The following KIRREL1 variants were observed in gnomAD, a reference collection of about 807,000 sequenced individuals.
The protein encoded by KIRREL1 is kin of IRRE-like protein 1.
Under a neutral mutation model 83.3 loss-of-function variants are expected in KIRREL1, and 25 were observed. The ratio of observed to expected loss-of-function variants is 0.30; its 90% CI spans 0.22 to 0.42. The LOEUF (loss-of-function observed/expected upper bound fraction) is 0.42. KIRREL1 is among the 10% of genes least tolerant of loss of function. The pLI, the probability that KIRREL1 is intolerant of heterozygous loss-of-function variation, is 1.00. For synonymous variants in KIRREL1, 388 were observed against 410.4 expected (o/e 0.95, Z 0.66); for missense variants, 812 against 1,032.3 (o/e 0.79, Z 2.92).
chr1:158,020,404 T>TG (rs1659971874), intron 1 of KIRREL1, among the ~76,000 whole-genome samples: 1 of 152,110 alleles, frequency 6.6e-6, no homozygotes, highest in Non-Finnish European at 1.5e-5. Flanking sequence ...CTATTATTTT[T>TG]GGGGGGCTTC....
intron 1 of KIRREL1, among the ~76,000 whole-genome samples, chr1:158,002,885 G>A (rs564120374): frequency 7.9e-5 from 12 of 152,002 alleles, no homozygotes; most frequent in Non-Finnish European, 1.3e-4. Flanking sequence ...CGAGGAATCC[G>A]AAGGAGTGAA....
chr1:158,093,886 C>G, intron 13 of KIRREL1, 124 bp downstream of exon 13: 1 of 1,010,576 alleles, frequency 9.9e-7, no homozygotes. Context: ...GGTCCTGCCA[C>G]ACACACTCTC....
Position 158,088,351 on chromosome 1 carries a change from C to T in KIRREL1, c.941C>T (p.Pro314Leu). 1.2e-6 allele frequency: 2 copies of T among 1,613,784 alleles called. No homozygotes were observed. Among genetic ancestry groups the T allele is most frequent in the Non-Finnish European group, 1.7e-6 (2 of 1,179,886 alleles). ...VHFAPRIVVD[P>L]KPTTTDIGSD... ...GTTGCTCCCCGGATTGTAGTTGACC[C>T]CAAACCCACAACCACAGACATTGGC... Residue 314 changes from proline to leucine, a missense_variant, in exon 8 of 15, where the codon CCC becomes CTC. Coordinates refer to ENST00000359209, the MANE Select transcript of KIRREL1 (RefSeq NM_018240.7).
At chr1:157,999,324 C>T (rs1659292283) in intron 1 of KIRREL1, among the ~76,000 whole-genome samples, 2 of 152,178 alleles carry the variant, frequency 1.3e-5, no homozygotes, top group Non-Finnish European at 2.9e-5. Flanking sequence ...TCCTTTTCCT[C>T]CCACGTTTAG....
intron 11 of KIRREL1, among the ~76,000 whole-genome samples, chr1:158,092,691 G>T (rs1662239708): frequency 6.6e-6 from 1 of 152,130 alleles, no homozygotes; most frequent in Non-Finnish European, 1.5e-5. Flanking sequence ...GGGGTTGGGG[G>T]TGGGGAAGAA....
At chr1:158,045,839 G>C (rs1358859003) in intron 1 of KIRREL1, among the ~76,000 whole-genome samples, 1 of 152,144 alleles carries the variant, frequency 6.6e-6, no homozygotes, top group East Asian at 1.9e-4. Flanking sequence ...CACCTCATTA[G>C]CATAAACCCC....
intron 1 of KIRREL1, among the ~76,000 whole-genome samples, chr1:158,071,694 A>G (rs563307483): frequency 6.6e-6 from 1 of 151,838 alleles, no homozygotes; most frequent in African/African-American, 2.4e-5. Flanking sequence ...TCTGTTTGGC[A>G]CTGGTTTTAT....
At chr1:158,052,816 C>T (rs1023376284) in intron 1 of KIRREL1, among the ~76,000 whole-genome samples, 31 of 151,984 alleles carry the variant, frequency 2.0e-4, no homozygotes, top group African/African-American at 7.3e-4. Context: ...TTATTTGGCT[C>T]ACGGTTCTGC....
chr1:158,016,036 C>A (rs1190360677), intron 1 of KIRREL1, among the ~76,000 whole-genome samples: 1 of 152,074 alleles, frequency 6.6e-6, no homozygotes, highest in Non-Finnish European at 1.5e-5. Context: ...CTGGGTGCGG[C>A]GGCTCAAGCC....
intron 1 of KIRREL1, among the ~76,000 whole-genome samples, chr1:158,060,719 A>G (rs1401067422): frequency 1.3e-5 from 2 of 152,236 alleles, no homozygotes; most frequent in East Asian, 3.9e-4. Context: ...GCCAGGAGCA[A>G]GTGATTTTGT....
At position 158,094,804 on chromosome 1, in the gene KIRREL1, A is replaced by G; in HGVS notation, c.1958A>G (p.Tyr653Cys). ...AGCGGCTATGCCCAGCTCAACACCT[A>G]TAGCCGGGGCCCTGCCTCTGACTAT... ...HSSGYAQLNT[Y>C]SRGPASDYGP... Residue 653 changes from tyrosine (Y) to cysteine (C), a missense_variant, in exon 15 of 15, where the codon TAT (tyrosine) becomes TGT (cysteine). This residue lies in a region of KIRREL1 where 334 missense variants were observed against 383.7 expected (regional missense o/e 0.87). Transcript: ENST00000359209. The surrounding 1 kb of genome is among the most constrained non-coding windows in gnomAD (Gnocchi z 4.6). 3 of 1,613,918 alleles carry G rather than the reference A, an allele frequency of 1.9e-6. No individual in the cohort carries two copies. Among genetic ancestry groups the G allele is most frequent in the Non-Finnish European group, 2.5e-6 (3 of 1,179,956 alleles).
intron 1 of KIRREL1, among the ~76,000 whole-genome samples, chr1:158,063,693 A>G (rs749894691): frequency 1.3e-5 from 2 of 152,014 alleles, no homozygotes; most frequent in Non-Finnish European, 2.9e-5. Flanking sequence ...CCAACTTCAC[A>G]CTGCTGTCTA....
intron 3 of KIRREL1, among the ~76,000 whole-genome samples, chr1:158,082,866 C>T (rs1022698187): frequency 4.0e-5 from 6 of 151,682 alleles, no homozygotes; most frequent in South Asian, 2.1e-4. Flanking sequence ...CTTGGGAAGC[C>T]GAGGTGGGAG....
At chr1:158,081,364 A>G (rs550192060) in intron 3 of KIRREL1, among the ~76,000 whole-genome samples, 3 of 152,352 alleles carry the variant, frequency 2.0e-5, no homozygotes, top group South Asian at 2.1e-4. Flanking sequence ...GAAGTCATAT[A>G]CAGGAGGCAC....
intron 1 of KIRREL1, among the ~76,000 whole-genome samples, chr1:158,000,684 C>T (rs539573978): frequency 1.3e-5 from 2 of 152,302 alleles, no homozygotes; most frequent in South Asian, 4.1e-4. Context: ...CCCAGCTTGT[C>T]CTTCCCTCCA....
Position 158,096,814 on chromosome 1 carries a change from A to G in KIRREL1, c.*1694A>G, listed in dbSNP as rs1021286054. 1.1e-5 allele frequency: 5 copies of G among 456,562 alleles called. No individual in the cohort carries two copies. Among genetic ancestry groups the G allele is most frequent in the Non-Finnish European group, 2.2e-5 (5 of 226,958 alleles). 28.3% of individuals were successfully genotyped at this position (456,562 alleles called of 1,614,324 possible). A position where few individuals can be genotyped will look rare whatever the true frequency, so the allele number is the denominator to read the frequency against. ...GGCTGTTTCCCGCCTCCCCAGCTGC[A>G]TGTCCAGCCCAGTGGGAGACAGGGC... On this transcript the variant is annotated 3_prime_UTR_variant, in exon 15 of 15. Transcript: ENST00000359209.
At chr1:157,993,917 G>A (rs1407492093) in intron 1 of KIRREL1, among the ~76,000 whole-genome samples, 189 bp downstream of exon 1, 19 of 152,186 alleles carry the variant, frequency 1.2e-4, no homozygotes, top group Non-Finnish European at 4.4e-5. Flanking sequence ...AGGGGCTGGG[G>A]AGAATGAGTT....
chr1:158,024,670 T>G (rs1660114788), intron 1 of KIRREL1, among the ~76,000 whole-genome samples: 1 of 152,118 alleles, frequency 6.6e-6, no homozygotes. Flanking sequence ...TGGATCCAAC[T>G]GTAGAATGCC....
chr1:158,033,991 AG>A (rs1167909987), intron 1 of KIRREL1, among the ~76,000 whole-genome samples: 40 of 149,592 alleles, frequency 2.7e-4, no homozygotes, highest in Non-Finnish European at 4.6e-4. Context: ...AAAAAAAAGA[AG>A]GCTGGGCGCG....
Sources: gnomAD v4.1 joint callset for allele counts (sites outside exome capture counted in the v4.1 genomes callset) on GRCh38, gnomAD v4.1.1 for gene constraint, gnomAD v4.1.1 regional missense constraint, Gnocchi (gnomAD v3.1) non-coding constraint, MANE v1.5 for transcripts, NCBI Gene and HGNC (gene_info 2026-07-23, HGNC 2026-07-21) for gene names.